HEATR5A: variants seen among roughly 807,000 people sequenced by gnomAD.
The protein encoded by HEATR5A is HEAT repeat containing 5A, also known as HEAT repeat-containing protein 5A.
HEATR5A carries 178 observed loss-of-function variants against 218.8 expected under a neutral mutation model. The ratio of observed to expected loss-of-function variants is 0.81; its 90% CI spans 0.72 to 0.92. HEATR5A has a LOEUF of 0.92. Among genes scored for constraint, HEATR5A ranks in the 40% least tolerant of loss-of-function variants. HEATR5A has a pLI of 0.00. For missense variants in HEATR5A, 2,420 were observed against 2,418.9 expected, an observed-to-expected ratio of 1.00 and a Z score of -0.01; for synonymous variants, 864 against 871.6, an observed-to-expected ratio of 0.99 and a Z score of 0.15.
intron 11 of HEATR5A, among the ~76,000 whole-genome samples, chr14:31,378,535 C>T (rs1342431584): frequency 1.3e-5 from 2 of 152,114 alleles, no homozygotes; most frequent in Non-Finnish European, 2.9e-5. Flanking sequence ...CGCCTGTAAT[C>T]CCAGCGCTTT....
intron 33 of HEATR5A, among the ~76,000 whole-genome samples, chr14:31,301,230 T>G (rs1011627319): frequency 6.6e-6 from 1 of 152,010 alleles, no homozygotes; most frequent in Non-Finnish European, 1.5e-5. Context: ...CTCATAAAAA[T>G]AAGAAAAAAA....
chr14:31,294,756 A>G (rs1899124333), intron 34 of HEATR5A, among the ~76,000 whole-genome samples: 1 of 152,122 alleles, frequency 6.6e-6, no homozygotes, highest in Non-Finnish European at 1.5e-5. Context: ...CAAAACAAAA[A>G]AACACCCAAA....
At chr14:31,328,739 G>T (rs1036079306) in intron 22 of HEATR5A, among the ~76,000 whole-genome samples, 4 of 152,006 alleles carry the variant, frequency 2.6e-5, no homozygotes, top group Non-Finnish European at 5.9e-5. Flanking sequence ...AATTAGCCAG[G>T]CATGGTGGCA....
At position 31,386,405 on chromosome 14, in the gene HEATR5A, CACAA is replaced by C. The variant is rs2030223681; in HGVS notation, c.1345+11_1345+14del. On this transcript the variant is annotated intron_variant, in intron 9 of 35. Coordinates refer to ENST00000543095, the MANE Select transcript of HEATR5A (RefSeq NM_015473.4). ...TAGTGTACAAGGTATTCCAATGAGTCACAAACAGATATACCTGTACTTGAATCCT... is the reference window on the plus strand; with the variant it reads ...TAGTGTACAAGGTATTCCAATGAGTCACAGATATACCTGTACTTGAATCCT... The C allele has an allele frequency of 1.9e-6, 3 of 1,607,922 alleles. No individual in the cohort carries two copies. The highest frequency in any genetic ancestry group is 2.6e-6 in the Non-Finnish European group (3 of 1,176,332).
chr14:31,416,264 C>T (rs372715953), intron 1 of HEATR5A, among the ~76,000 whole-genome samples: 9 of 152,098 alleles, frequency 5.9e-5, no homozygotes, highest in East Asian at 3.9e-4. Context: ...TTACAGGCAC[C>T]GGCCACCACG....
At chr14:31,419,993 G>A (rs975667726) in intron 1 of HEATR5A, among the ~76,000 whole-genome samples, 9 of 152,354 alleles carry the variant, frequency 5.9e-5, no homozygotes, top group African/African-American at 2.2e-4. Flanking sequence ...CTCGCCCGAA[G>A]GCCGGGCCGG....
chr14:31,320,386 C>T, intron 25 of HEATR5A: 1 of 1,010,248 alleles, frequency 9.9e-7, no homozygotes, highest in East Asian at 2.4e-5. Flanking sequence ...CAATGCCAGC[C>T]CCTGAATCAG....
At chr14:31,370,175 G>A (rs570050482) in intron 13 of HEATR5A, among the ~76,000 whole-genome samples, 3 of 151,454 alleles carry the variant, frequency 2.0e-5, no homozygotes, top group Non-Finnish European at 2.9e-5. Context: ...GCAGTGAGCC[G>A]AGATTGTACC....
chr14:31,408,241 C>T (rs2031149072), intron 1 of HEATR5A, among the ~76,000 whole-genome samples: 1 of 152,170 alleles, frequency 6.6e-6, no homozygotes, highest in African/African-American at 2.4e-5. Context: ...ATTGGGATAA[C>T]TCCAGCATTG....
chr14:31,324,508 CAAGTT>C (rs1338158442), intron 23 of HEATR5A, among the ~76,000 whole-genome samples: 11 of 152,024 alleles, frequency 7.2e-5, no homozygotes, highest in African/African-American at 2.7e-4. Context: ...AAGTTATGGT[CAAGTT>C]AACAGAGCCT....
chr14:31,323,754 T>C lies in HEATR5A; in HGVS notation c.3598A>G (p.Lys1200Glu), dbSNP rs1900178923. 4 of 1,608,066 alleles carry C rather than the reference T, an allele frequency of 2.5e-6. No homozygotes were observed. Among genetic ancestry groups the C allele is most frequent in the Non-Finnish European group, 3.4e-6 (4 of 1,174,736 alleles). ...GTCAGGACTGAGGCATCATCCCCTT[T>C]ATCTCCTTCTTCTTCTTGCATTGTA... is the stretch of plus-strand genomic sequence containing the variant. ...VDTMQEEEGD[K>E]GDDASVLTTR... Residue 1200 changes from lysine (K) to glutamate (E), a missense_variant, in exon 24 of 36, where the codon AAA (lysine) becomes GAA (glutamate). Transcript: ENST00000543095.
rs367682944 is a variant in HEATR5A at position 31,295,955 on chromosome 14, C to T, written c.5573G>A (p.Arg1858His). Residue 1858 changes from arginine (R) to histidine (H), a missense_variant, in exon 34 of 36, where the codon CGC becomes CAC. Arg to His is a conservative substitution (Grantham distance 29, BLOSUM62 0). Coordinates refer to ENST00000543095, the MANE Select transcript of HEATR5A (RefSeq NM_015473.4). ...EVTTIPCLQK[R>H]CIDKFKATLE... ...AGTAGCTTTAAATTTATCAATACAG[C>T]GCTTCTGAAGGCATGGGATGGTAGT... 1.9e-4 allele frequency: 307 copies of T among 1,613,456 alleles called. No individual in the cohort carries two copies. Among genetic ancestry groups the T allele is most frequent in the Non-Finnish European group, 2.2e-4 (257 of 1,179,644 alleles).
intron 27 of HEATR5A, among the ~76,000 whole-genome samples, chr14:31,314,464 T>C (rs1306800952): frequency 6.7e-6 from 1 of 149,970 alleles, no homozygotes; most frequent in Admixed American, 6.7e-5. Context: ...TCCATGTTGG[T>C]CAGGCTGGTC....
chr14:31,403,824 A>G (rs1440410060), intron 1 of HEATR5A, among the ~76,000 whole-genome samples: 1 of 152,254 alleles, frequency 6.6e-6, no homozygotes, highest in Non-Finnish European at 1.5e-5. Context: ...GTGCTGTTAC[A>G]GAGCACACGC....
At chr14:31,375,647 C>G (rs1329635499) in intron 11 of HEATR5A, among the ~76,000 whole-genome samples, 1 of 152,130 alleles carries the variant, frequency 6.6e-6, no homozygotes, top group Non-Finnish European at 1.5e-5. Flanking sequence ...AGCAATCCAC[C>G]CACTTCAGCC....
intron 1 of HEATR5A, among the ~76,000 whole-genome samples, chr14:31,407,924 G>A (rs918141794): frequency 1.3e-5 from 2 of 152,192 alleles, no homozygotes; most frequent in African/African-American, 4.8e-5. Context: ...CACCATGCCC[G>A]GCCCTATTAA....
chr14:31,310,253 C>T (rs1000531822), intron 28 of HEATR5A, among the ~76,000 whole-genome samples: 1 of 151,552 alleles, frequency 6.6e-6, no homozygotes, highest in Non-Finnish European at 1.5e-5. Flanking sequence ...CAGGTTGGCC[C>T]TGAACTCCTG....
intron 34 of HEATR5A, among the ~76,000 whole-genome samples, chr14:31,294,429 A>ATT (rs3033605): frequency 0.19 from 26,933 of 142,552 alleles, 2,715 homozygotes; most frequent in East Asian, 0.33. Flanking sequence ...CTCCTGTAAC[A>ATT]TTTTTTTTTT....
At chr14:31,327,786 A>G (rs1052696082) in intron 22 of HEATR5A, among the ~76,000 whole-genome samples, 5 of 152,206 alleles carry the variant, frequency 3.3e-5, no homozygotes, top group Admixed American at 3.3e-4. Context: ...TATTCTCACT[A>G]CAAAGTAATA....
Sources: gnomAD v4.1 joint callset for allele counts (sites outside exome capture counted in the v4.1 genomes callset) on GRCh38, gnomAD v4.1.1 for gene constraint, MANE v1.5 for transcripts, NCBI Gene and HGNC (gene_info 2026-07-23, HGNC 2026-07-21) for gene names.